The following DMTF1 variants were observed in gnomAD, a reference collection of about 807,000 sequenced individuals.
DMTF1 encodes cyclin D binding myb like transcription factor 1.
Under a neutral mutation model 91.1 loss-of-function variants are expected in DMTF1, and 39 were observed. The observed-to-expected ratio is 0.43, with a 90% CI of 0.33 to 0.56. DMTF1 has a LOEUF of 0.56. Ranked by LOEUF, DMTF1 falls within the 20% of genes least tolerant of loss-of-function variation. DMTF1 has a pLI of 0.05. For missense variants in DMTF1, 750 were observed against 914.5 expected, an observed-to-expected ratio of 0.82 and a Z score of 2.32; for synonymous variants, 338 against 309.5, an observed-to-expected ratio of 1.09 and a Z score of -0.97.
At chr7:87,174,778 T>G (rs561097467) in intron 7 of DMTF1, 109 bp downstream of exon 7, 1 of 594,404 alleles carries the variant, frequency 1.7e-6, no homozygotes, top group African/African-American at 1.9e-5. Flanking sequence ...CTTATTTTTG[T>G]AATGGATTTT....
intron 4 of DMTF1, among the ~76,000 whole-genome samples, chr7:87,170,448 G>A (rs1038947633): frequency 2.0e-5 from 3 of 152,188 alleles, no homozygotes; most frequent in African/African-American, 7.2e-5. Flanking sequence ...TACTGTTCTT[G>A]TTTAGTCTGC....
intron 1 of DMTF1, among the ~76,000 whole-genome samples, chr7:87,155,282 T>C (rs1249506276): frequency 6.6e-6 from 1 of 152,248 alleles, no homozygotes; most frequent in South Asian, 2.1e-4. Context: ...CATTCTACTT[T>C]TTTTTATATC....
intron 1 of DMTF1, among the ~76,000 whole-genome samples, chr7:87,154,767 A>T (rs1049795536): frequency 6.6e-6 from 1 of 152,008 alleles, no homozygotes; most frequent in Admixed American, 6.5e-5. Context: ...TTTTTTAGAG[A>T]TCTCTTTTTT....
In DMTF1 at chr7:87,171,094, A is replaced by C; in HGVS notation, c.327+5A>C. On this transcript the variant is annotated splice_donor_5th_base_variant and intron_variant, in intron 5 of 17. Coordinates refer to ENST00000331242, the MANE Select transcript of DMTF1 (RefSeq NM_001142327.2). Reference sequence around the variant, plus strand: ...GGGACTGTGACACAGATACAGGTATAGTAAATCTTTTAACTGGCCTCAGGA... The same window carrying C: ...GGGACTGTGACACAGATACAGGTATCGTAAATCTTTTAACTGGCCTCAGGA... 6.3e-7 allele frequency: 1 copy of C among 1,579,628 alleles called. No individual in the cohort carries two copies. The highest frequency in any genetic ancestry group is 8.7e-7 in the Non-Finnish European group (1 of 1,153,706).
intron 15 of DMTF1, 107 bp from the exon 16 acceptor site, chr7:87,193,618 A>G: frequency 8.9e-7 from 1 of 1,127,348 alleles, no homozygotes; most frequent in East Asian, 2.4e-5. Flanking sequence ...AAATAGTGAT[A>G]AAAGTATTTA....
chr7:87,177,282 G>T (rs1372135232), intron 7 of DMTF1, among the ~76,000 whole-genome samples: 2 of 152,020 alleles, frequency 1.3e-5, no homozygotes, highest in African/African-American at 2.4e-5. Flanking sequence ...CACAGTTAAT[G>T]GTCATTTGGG....
At chr7:87,153,179 G>A (rs747405110) in intron 1 of DMTF1, among the ~76,000 whole-genome samples, 1 of 151,870 alleles carries the variant, frequency 6.6e-6, no homozygotes, top group African/African-American at 2.4e-5. Context: ...GGCGATTCAC[G>A]GCCCAGACAT....
At chr7:87,188,336 G>T (rs549252865) in intron 13 of DMTF1, 35 bp downstream of exon 13, 2 of 1,608,140 alleles carry the variant, frequency 1.2e-6, no homozygotes, top group Non-Finnish European at 8.5e-7. Context: ...CTTGCTGTTT[G>T]ATCTATATGA....
intron 5 of DMTF1, 30 bp downstream of exon 5, chr7:87,171,119 A>G (rs745313472): frequency 9.7e-6 from 14 of 1,435,968 alleles, no homozygotes; most frequent in East Asian, 2.3e-5. Flanking sequence ...TGGCCTCAGG[A>G]GGATGATCCT....
intron 7 of DMTF1, 29 bp downstream of exon 7, chr7:87,174,698 C>A: frequency 6.5e-7 from 1 of 1,535,908 alleles, no homozygotes; most frequent in Non-Finnish European, 9.0e-7. Flanking sequence ...TTATGTTTCA[C>A]CAATTTGTTT....
At chr7:87,167,274 A>T (rs1794046800) in intron 4 of DMTF1, among the ~76,000 whole-genome samples, 2 of 152,202 alleles carry the variant, frequency 1.3e-5, no homozygotes, top group South Asian at 4.1e-4. Flanking sequence ...GATCATTTAG[A>T]GTAGACTGGC....
chr7:87,192,156 G>T (rs1207638021), intron 14 of DMTF1, among the ~76,000 whole-genome samples: 2 of 151,808 alleles, frequency 1.3e-5, no homozygotes, highest in Non-Finnish European at 2.9e-5. Context: ...TTTACTTATG[G>T]GGTCACAATA....
rs1221456111 is a variant in DMTF1 at position 87,178,883 on chromosome 7, G to A, written c.520-662G>A. Among the ~76,000 whole-genome samples, 3 of 151,152 alleles carry A rather than the reference G, an allele frequency of 2.0e-5. No individual in the cohort carries two copies. In the East Asian group the frequency reaches 5.8e-4, roughly 29 times the overall value. On this transcript the variant is annotated intron_variant, in intron 7 of 17. Transcript: ENST00000331242. ...CATGTGGGCCTAGTGTTTTTATTTT[G>A]AGAAGATTATTTAATAACTGATTCG...
intron 14 of DMTF1, among the ~76,000 whole-genome samples, chr7:87,192,109 T>C (rs1298691499): frequency 2.6e-5 from 4 of 152,094 alleles, no homozygotes; most frequent in East Asian, 1.9e-4. Flanking sequence ...AAACAATATA[T>C]GTACACACCT....
At chr7:87,177,291 G>A (rs1796460056) in intron 7 of DMTF1, among the ~76,000 whole-genome samples, 1 of 151,910 alleles carries the variant, frequency 6.6e-6, no homozygotes, top group Non-Finnish European at 1.5e-5. Context: ...TGGTCATTTG[G>A]GTTCTTTTTA....
intron 1 of DMTF1, among the ~76,000 whole-genome samples, chr7:87,162,100 T>C (rs1018859984): frequency 6.6e-6 from 1 of 152,202 alleles, no homozygotes; most frequent in African/African-American, 2.4e-5. Context: ...GCATAAGTTT[T>C]ATTTTTTGCT....
rs150857764 is a variant in DMTF1 at position 87,194,017 on chromosome 7, T to C, written c.1943T>C (p.Met648Thr). Residue 648 changes from methionine (M) to threonine (T), a missense_variant, in exon 16 of 18, where the codon ATG becomes ACG. By Grantham distance (81) the Met-to-Thr change is moderately conservative (BLOSUM62 -1). Around this residue, in one of 3 missense-constraint regions of DMTF1, gnomAD observed 410 missense variants for 420.2 expected, o/e 0.98. Coordinates refer to ENST00000331242, the MANE Select transcript of DMTF1 (RefSeq NM_001142327.2). ...AGCACAGAACTGATGAATAGTGTTA[T>C]GGTCAGAACAGAAGAAGAAATCTCT... Reference protein sequence around the residue: ...QNSTELMNSVMVRTEEEISDT... With the variant: ...QNSTELMNSVTVRTEEEISDT... 6.6e-5 allele frequency: 106 copies of C among 1,613,288 alleles called. No individual in the cohort carries two copies. The African/African-American group carries it at 1.3e-3, about 20-fold the overall frequency.
At position 87,194,573 on chromosome 7, in the gene DMTF1, C is replaced by CTGAT. The variant is rs113499020; in HGVS notation, c.2029-109_2029-106dup. On this transcript the variant is annotated intron_variant, in intron 16 of 17. Transcript: ENST00000331242. The stretch of plus-strand genomic sequence containing the variant: ...AGACCTTAACTTTTTATTTTATATT[C>CTGAT]TGATTTTTAAATGGGTTATGTTTAA... 3.2e-3 allele frequency: 2,260 copies of CTGAT among 713,992 alleles called. 38 individuals carry two copies. In the African/African-American group the frequency reaches 0.036, roughly 11 times the overall value. 44.2% of individuals were successfully genotyped at this position (713,992 alleles called of 1,614,324 possible).
intron 6 of DMTF1, among the ~76,000 whole-genome samples, chr7:87,174,210 G>A (rs1336879237): frequency 6.6e-6 from 1 of 152,112 alleles, no homozygotes; most frequent in Non-Finnish European, 1.5e-5. Flanking sequence ...TTGCCCTAGA[G>A]TTTTTTGTAT....
Sources: gnomAD v4.1 joint callset for allele counts (sites outside exome capture counted in the v4.1 genomes callset) on GRCh38, gnomAD v4.1.1 for gene constraint, gnomAD v4.1.1 regional missense constraint, MANE v1.5 for transcripts, NCBI Gene and HGNC (gene_info 2026-07-23, HGNC 2026-07-21) for gene names.